RGS20: variants seen among roughly 807,000 people sequenced by gnomAD.
The protein encoded by RGS20 is regulator of G protein signaling 20.
In RGS20, 30 loss-of-function variants were observed where a neutral mutation model predicts 33.6. That is an observed-to-expected ratio of 0.89 (90% CI 0.67 to 1.21). The LOEUF (loss-of-function observed/expected upper bound fraction) is 1.21. Among genes scored for constraint, RGS20 ranks in the 50% most tolerant of loss-of-function variants. The pLI is 0.00. For synonymous variants in RGS20, 208 were observed against 197.9 expected (o/e 1.05, Z -0.43); for missense variants, 472 against 502.4 (o/e 0.94, Z 0.58).
At chr8:53,898,466 T>C (rs1463030639) in intron 2 of RGS20, among the ~76,000 whole-genome samples, 1 of 152,240 alleles carries the variant, frequency 6.6e-6, no homozygotes, top group Non-Finnish European at 1.5e-5. Context: ...ATTACTTCCA[T>C]ATAATAACCT....
chr8:53,884,109 AG>A (rs1812472595), intron 2 of RGS20, among the ~76,000 whole-genome samples: 1 of 152,068 alleles, frequency 6.6e-6, no homozygotes, highest in South Asian at 2.1e-4. Flanking sequence ...AAATAAGATC[AG>A]TAACAGAATG....
intron 3 of RGS20, among the ~76,000 whole-genome samples, chr8:53,944,945 A>C (rs940561933): frequency 4.6e-5 from 7 of 152,222 alleles, no homozygotes; most frequent in Non-Finnish European, 8.8e-5. Flanking sequence ...TGAAGCTAGA[A>C]TAAAAAAGAC....
At chr8:53,955,754 C>T (rs1168640804) in intron 5 of RGS20, among the ~76,000 whole-genome samples, 1 of 152,060 alleles carries the variant, frequency 6.6e-6, no homozygotes, top group Non-Finnish European at 1.5e-5. Flanking sequence ...TCACTTCAAC[C>T]CGGGAGGCGG....
intron 3 of RGS20, among the ~76,000 whole-genome samples, chr8:53,942,826 TAAA>T (rs60067329): frequency 3.9e-4 from 49 of 125,546 alleles, no homozygotes; most frequent in Admixed American, 5.6e-4. Context: ...ATGTCTCCAC[TAAA>T]AAAAAAAAAA....
rs542589579 is a variant in RGS20, at chr8:53,946,652, C to CT, written c.660-5dup. ...GACTGAGCTGTCAACATGTGAATGT[C>CT]TTTTTTTTGCAGTCTCACTGTTAGA... On this transcript the variant is annotated splice_polypyrimidine_tract_variant and intron_variant, in intron 3 of 5. Transcript: ENST00000297313. 443 of 1,600,020 alleles carry CT rather than the reference C, an allele frequency of 2.8e-4. 1 individual carries two copies. The African/African-American group carries it at 3.1e-3, about 11-fold the overall frequency.
chr8:53,852,196 A>G, intron 1 of RGS20: 1 of 846,560 alleles, frequency 1.2e-6, no homozygotes, highest in Non-Finnish European at 1.7e-6. Flanking sequence ...AATGTTTTCA[A>G]ACCATCCCCA....
In RGS20 at chr8:53,858,741, G is replaced by A. The variant is rs138467033; in HGVS notation, c.165+6677G>A. Among the ~76,000 whole-genome samples the A allele has an allele frequency of 9.4e-3, 1,428 of 152,100 alleles. 20 individuals are homozygous for A. Among genetic ancestry groups the A allele is most frequent in the African/African-American group, 0.032 (1,322 of 41,458 alleles). ...AATTGAGACGCCCCCAAGCAAGGAA[G>A]GTGGAGAAGGGTCTCCGGTGATCAG... On this transcript the variant is annotated intron_variant, in intron 1 of 5. Transcript: ENST00000297313.
chr8:53,906,352 G>A (rs1259097087), intron 2 of RGS20, among the ~76,000 whole-genome samples: 3 of 151,876 alleles, frequency 2.0e-5, no homozygotes, highest in African/African-American at 7.3e-5. Flanking sequence ...CTCCAGCCTG[G>A]GTGACAGAGC....
rs1456367045 is a variant in RGS20, at chr8:53,877,635, G to A, written c.166-1623G>A. 6.6e-6 allele frequency among the ~76,000 whole-genome samples: 1 copy of A among 152,204 alleles called. No homozygotes were observed. Among genetic ancestry groups the A allele is most frequent in the Non-Finnish European group, 1.5e-5 (1 of 68,042 alleles). On this transcript the variant is annotated intron_variant, in intron 1 of 5. Coordinates refer to ENST00000297313, the MANE Select transcript of RGS20 (RefSeq NM_170587.4). The surrounding 1 kb of genome is among the most constrained non-coding windows in gnomAD (Gnocchi z 5.7). ...CCAGCCCCTAAAATAAAAGCACCTTGCCAGAGAGCGGGGGAGGGGAGCAGC... is the reference window on the plus strand; with the variant it reads ...CCAGCCCCTAAAATAAAAGCACCTTACCAGAGAGCGGGGGAGGGGAGCAGC...
At chr8:53,925,574 A>G (rs188726943) in intron 2 of RGS20, among the ~76,000 whole-genome samples, 125 of 152,182 alleles carry the variant, frequency 8.2e-4, no homozygotes, top group Non-Finnish European at 1.5e-3. Flanking sequence ...GGTCAGGAGT[A>G]AAAATACAAA....
At chr8:53,856,214 CA>C (rs944792843) in intron 1 of RGS20, among the ~76,000 whole-genome samples, 1 of 145,970 alleles carries the variant, frequency 6.9e-6, no homozygotes, top group African/African-American at 2.7e-5. Context: ...ATTTATTTTT[CA>C]ATTTTTTTTT....
chr8:53,932,443 A>T (rs974625579), intron 2 of RGS20, among the ~76,000 whole-genome samples: 18 of 152,114 alleles, frequency 1.2e-4, no homozygotes, highest in Admixed American at 6.6e-5. Context: ...TGATAGGGGG[A>T]GGGGCGTCCA....
chr8:53,879,198 C>A, intron 1 of RGS20: 1 of 1,422,602 alleles, frequency 7.0e-7, no homozygotes, highest in Non-Finnish European at 9.8e-7. Flanking sequence ...AGAGCCCCAT[C>A]TAAGCGGCCG....
At chr8:53,898,758 A>G (rs1267878266) in intron 2 of RGS20, among the ~76,000 whole-genome samples, 2 of 152,244 alleles carry the variant, frequency 1.3e-5, no homozygotes, top group South Asian at 4.1e-4. Context: ...TTCCAGATGC[A>G]CTGTGGGAAC....
chr8:53,918,613 C>T (rs766467639), intron 2 of RGS20, among the ~76,000 whole-genome samples: 4 of 152,114 alleles, frequency 2.6e-5, no homozygotes, highest in Admixed American at 6.6e-5. Context: ...GTCTCGAACT[C>T]CTGACCTCAA....
intron 1 of RGS20, among the ~76,000 whole-genome samples, chr8:53,853,413 A>G (rs1287275576): frequency 6.6e-6 from 1 of 152,210 alleles, no homozygotes; most frequent in Non-Finnish European, 1.5e-5. Context: ...TCGACCACAC[A>G]TGCTGGTGCT....
intron 2 of RGS20, among the ~76,000 whole-genome samples, chr8:53,916,275 G>A (rs1363839753): frequency 6.6e-6 from 1 of 152,174 alleles, no homozygotes; most frequent in Non-Finnish European, 1.5e-5. Flanking sequence ...GCCTGCCTCA[G>A]CCTCCCAAAG....
At chr8:53,904,126 C>CTT (rs35492125) in intron 2 of RGS20, among the ~76,000 whole-genome samples, 4 of 136,742 alleles carry the variant, frequency 2.9e-5, no homozygotes, top group African/African-American at 2.6e-5. Flanking sequence ...AATAACTTTG[C>CTT]TTTTTTTTTT....
intron 1 of RGS20, among the ~76,000 whole-genome samples, chr8:53,867,702 CCTTT>C (rs1179102083): frequency 3.3e-4 from 48 of 146,422 alleles, no homozygotes; most frequent in Middle Eastern, 7.1e-3. Context: ...TTCCTTCCTT[CCTTT>C]CTTTGTTTCT....
Sources: gnomAD v4.1 joint callset for allele counts (sites outside exome capture counted in the v4.1 genomes callset) on GRCh38, gnomAD v4.1.1 for gene constraint, Gnocchi (gnomAD v3.1) non-coding constraint, MANE v1.5 for transcripts, NCBI Gene and HGNC (gene_info 2026-07-23, HGNC 2026-07-21) for gene names.